The following SORCS2 variants were observed in gnomAD, a reference collection of about 807,000 sequenced individuals.
The protein encoded by SORCS2 is VPS10 domain-containing receptor SorCS2.
A neutral mutation model predicts 141.6 loss-of-function variants in SORCS2; 100 were observed. The ratio of observed to expected loss-of-function variants is 0.71; its 90% CI spans 0.60 to 0.83. The LOEUF is 0.83. Among genes scored for constraint, SORCS2 ranks in the 40% least tolerant of loss-of-function variants. SORCS2 has a pLI of 0.00. For missense variants in SORCS2, 1,646 were observed against 1,560.2 expected, an observed-to-expected ratio of 1.05 and a Z score of -0.93; for synonymous variants, 789 against 676.9, an observed-to-expected ratio of 1.17 and a Z score of -2.57.
chr4:7,399,220 C>G (rs1432604995), intron 2 of SORCS2, among the ~76,000 whole-genome samples: 1 of 152,168 alleles, frequency 6.6e-6, no homozygotes, highest in South Asian at 2.1e-4. Flanking sequence ...CCATCACTCT[C>G]TCTTCAAGAT....
In SORCS2 at chr4:7,396,566, G is replaced by A. The variant is rs1724228424; in HGVS notation, c.548+211G>A. 2.0e-5 allele frequency among the ~76,000 whole-genome samples: 3 copies of A among 152,222 alleles called. No homozygotes were observed. The South Asian group carries it at 6.2e-4, about 32-fold the overall frequency. On this transcript the variant is annotated intron_variant, in intron 2 of 26. Coordinates refer to ENST00000507866, the MANE Select transcript of SORCS2 (RefSeq NM_020777.3). ...TGGGTATAAACTGCACTGCAGAATA[G>A]ACAACTGTTCAGAAAGCGTCTTGGC...
At chr4:7,219,290 A>G (rs577824537) in intron 1 of SORCS2, among the ~76,000 whole-genome samples, 37 of 152,186 alleles carry the variant, frequency 2.4e-4, no homozygotes, top group Admixed American at 1.2e-3. Flanking sequence ...GCCTGTGTCA[A>G]TATCCCCCAA....
chr4:7,672,963 T>C (rs1722879715), intron 8 of SORCS2, among the ~76,000 whole-genome samples: 1 of 152,216 alleles, frequency 6.6e-6, no homozygotes, highest in African/African-American at 2.4e-5. Flanking sequence ...AACGTTGGTG[T>C]TTCCTTCCGC....
chr4:7,589,233 A>G (rs1039493761), intron 3 of SORCS2, among the ~76,000 whole-genome samples: 1 of 152,192 alleles, frequency 6.6e-6, no homozygotes, highest in Non-Finnish European at 1.5e-5. Context: ...GAGGTGAAAT[A>G]TGACATCAAC....
At chr4:7,418,390 G>A (rs758667816) in intron 2 of SORCS2, among the ~76,000 whole-genome samples, 10 of 152,196 alleles carry the variant, frequency 6.6e-5, no homozygotes, top group Middle Eastern at 3.4e-3. Context: ...GTGCTCTCCC[G>A]CCAAGACTTC....
intron 8 of SORCS2, among the ~76,000 whole-genome samples, chr4:7,674,935 G>A (rs1023065265): frequency 4.6e-5 from 7 of 152,258 alleles, no homozygotes; most frequent in South Asian, 2.1e-4. Flanking sequence ...GGGGCCAGCC[G>A]GACCCTCCTC....
At chr4:7,552,981 G>A (rs531502990) in intron 3 of SORCS2, among the ~76,000 whole-genome samples, 1 of 152,310 alleles carries the variant, frequency 6.6e-6, no homozygotes, top group Admixed American at 6.5e-5. Context: ...GCGAGGAGTG[G>A]GGGTGGAGTG....
intron 2 of SORCS2, among the ~76,000 whole-genome samples, chr4:7,526,546 T>G (rs1051512625): frequency 6.6e-6 from 1 of 152,086 alleles, no homozygotes; most frequent in African/African-American, 2.4e-5. Flanking sequence ...GAACAGGGGA[T>G]TCTTGGGGCA....
At chr4:7,576,070 T>A (rs1715730973) in intron 3 of SORCS2, among the ~76,000 whole-genome samples, 1 of 152,198 alleles carries the variant, frequency 6.6e-6, no homozygotes. Flanking sequence ...GGTGCACAGC[T>A]GTGTGTGTGA....
intron 2 of SORCS2, among the ~76,000 whole-genome samples, chr4:7,455,283 CTG>C (rs201613165): frequency 4.5e-5 from 2 of 44,446 alleles, no homozygotes; most frequent in African/African-American, 1.0e-4. Context: ...GGGTCAGGTG[CTG>C]TGTGTTGGGG....
intron 2 of SORCS2, among the ~76,000 whole-genome samples, chr4:7,495,297 AC>A (rs1731543293): frequency 6.6e-6 from 1 of 152,256 alleles, no homozygotes; most frequent in Non-Finnish European, 1.5e-5. Context: ...AAAGGAGGCT[AC>A]GGCAGAAAGC....
intron 2 of SORCS2, among the ~76,000 whole-genome samples, chr4:7,465,716 C>G (rs913462987): frequency 7.9e-5 from 12 of 152,330 alleles, no homozygotes; most frequent in African/African-American, 2.6e-4. Flanking sequence ...AAGGCTTCCC[C>G]GCTTCTAATA....
At chr4:7,535,386 A>T (rs1054872639) in intron 3 of SORCS2, among the ~76,000 whole-genome samples, 1 of 152,174 alleles carries the variant, frequency 6.6e-6, no homozygotes, top group African/African-American at 2.4e-5. Context: ...ATGGGATGAG[A>T]GGCTGACCCC....
intron 2 of SORCS2, among the ~76,000 whole-genome samples, chr4:7,496,387 C>T (rs938658791): frequency 1.3e-5 from 2 of 151,644 alleles, no homozygotes; most frequent in African/African-American, 4.8e-5. Context: ...ACCACACCAC[C>T]CAGCCCCCAG....
At chr4:7,365,809 G>C (rs1721848576) in intron 1 of SORCS2, among the ~76,000 whole-genome samples, 1 of 152,194 alleles carries the variant, frequency 6.6e-6, no homozygotes, top group Non-Finnish European at 1.5e-5. Context: ...GCCTCCTTGA[G>C]AGAGCGAGCC....
Position 7,379,847 on chromosome 4 carries a change from A to G in SORCS2, c.481-16441A>G, listed in dbSNP as rs368321099. 1.8e-3 allele frequency among the ~76,000 whole-genome samples: 268 copies of G among 152,298 alleles called. 7 individuals carry two copies. The South Asian group carries it at 0.054, about 31-fold the overall frequency. The stretch of plus-strand genomic sequence containing the variant: ...AAACACGCTGAAGGCAGCTGCAGAA[A>G]CTTGCTTTTTAGACATCACCAAATG... On this transcript the variant is annotated intron_variant, in intron 1 of 26. Coordinates refer to ENST00000507866, the MANE Select transcript of SORCS2 (RefSeq NM_020777.3).
At chr4:7,658,531 A>G (rs1721950329) in intron 5 of SORCS2, among the ~76,000 whole-genome samples, 1 of 151,964 alleles carries the variant, frequency 6.6e-6, no homozygotes, top group South Asian at 2.1e-4. Context: ...TGGTCTATTC[A>G]CAAAAGCCGA....
chr4:7,405,648 A>G (rs1035785265), intron 2 of SORCS2, among the ~76,000 whole-genome samples: 2 of 152,046 alleles, frequency 1.3e-5, no homozygotes, highest in African/African-American at 2.4e-5. Context: ...AGCTAGATCA[A>G]TATTGGTATA....
At chr4:7,688,642 G>T (rs947944975) in intron 10 of SORCS2, among the ~76,000 whole-genome samples, 1 of 152,178 alleles carries the variant, frequency 6.6e-6, no homozygotes, top group African/African-American at 2.4e-5. Context: ...AGGAGTCCAA[G>T]CCCTGCCCTT....
Sources: gnomAD v4.1 joint callset for allele counts (sites outside exome capture counted in the v4.1 genomes callset) on GRCh38, gnomAD v4.1.1 for gene constraint, MANE v1.5 for transcripts, NCBI Gene and HGNC (gene_info 2026-07-23, HGNC 2026-07-21) for gene names.